Variants in GRIP1 observed in about 807,000 individuals in gnomAD.
The protein encoded by GRIP1 is glutamate receptor-interacting protein 1.
GRIP1 carries 45 observed loss-of-function variants against 129.9 expected under a neutral mutation model. The ratio of observed to expected loss-of-function variants is 0.35; its 90% confidence interval spans 0.27 to 0.44. The LOEUF (loss-of-function observed/expected upper bound fraction) is 0.44, where lower values mean the gene tolerates loss of function less well. Ranked by LOEUF, GRIP1 falls within the 20% of genes least tolerant of loss-of-function variation. GRIP1 has a pLI of 1.00. For synonymous variants in GRIP1, 530 were observed against 520.8 expected (o/e 1.02, Z -0.24); for missense variants, 1,196 against 1,396.8 (o/e 0.86, Z 2.29).
chr12:66,367,055 C>T (rs2055193727), intron 23 of GRIP1, among the ~76,000 whole-genome samples: 1 of 152,080 alleles, frequency 6.6e-6, no homozygotes, highest in Admixed American at 6.6e-5. Context: ...AATCGTTCTG[C>T]CTTAAGGTGT....
intron 1 of GRIP1, among the ~76,000 whole-genome samples, chr12:66,850,773 C>T (rs2039896529): frequency 6.6e-6 from 1 of 151,716 alleles, no homozygotes; most frequent in Admixed American, 6.6e-5. Context: ...AGGTATCAGC[C>T]AGCATGTAAC....
At chr12:66,739,383 T>C (rs985759430) in intron 1 of GRIP1, among the ~76,000 whole-genome samples, 1 of 152,128 alleles carries the variant, frequency 6.6e-6, no homozygotes, top group Admixed American at 6.5e-5. Context: ...GACTGACTTA[T>C]TTGATAAGGT....
chr12:66,389,975 G>T (rs2056520016), intron 19 of GRIP1, among the ~76,000 whole-genome samples: 3 of 152,156 alleles, frequency 2.0e-5, no homozygotes, highest in Admixed American at 6.5e-5. Flanking sequence ...AGTATCTAAG[G>T]GGCTGTCAGG....
At chr12:66,836,277 C>G (rs1205547305) in intron 1 of GRIP1, among the ~76,000 whole-genome samples, 1 of 151,984 alleles carries the variant, frequency 6.6e-6, no homozygotes, top group East Asian at 1.9e-4. Flanking sequence ...GAGTTCAAGC[C>G]CAGGAACCTC....
chr12:66,700,333 GGGAGGTAGGCAGGAAAGGGATGGGCTGC>G (rs1430149674), intron 1 of GRIP1, among the ~76,000 whole-genome samples: 2 of 152,116 alleles, frequency 1.3e-5, no homozygotes, highest in Non-Finnish European at 2.9e-5. Flanking sequence ...CATGAGGCTG[GGGAGGTAGGCAGGAAAGGGATGGGCTGC>G]GGAGCACATA....
At chr12:67,032,658 T>C (rs2135783403) in intron 1 of GRIP1, among the ~76,000 whole-genome samples, 1 of 152,252 alleles carries the variant, frequency 6.6e-6, no homozygotes, top group African/African-American at 2.4e-5. Flanking sequence ...CTAAATGCAG[T>C]CACATGCTCA....
intron 1 of GRIP1, among the ~76,000 whole-genome samples, chr12:66,853,613 C>T (rs540589195): frequency 2.6e-5 from 4 of 152,052 alleles, no homozygotes; most frequent in Non-Finnish European, 4.4e-5. Flanking sequence ...TTGAACACCA[C>T]GTTTATAAAG....
At chr12:66,789,576 G>A (rs1319420) in intron 1 of GRIP1, among the ~76,000 whole-genome samples, 9,543 of 25,148 alleles carry the variant, frequency 0.38, 1,018 homozygotes, top group African/African-American at 0.39. Flanking sequence ...AAACTTTGCT[G>A]TACAAATAGA....
intron 7 of GRIP1, 82 bp from the exon 8 acceptor site, chr12:66,465,504 G>A (rs2059262144): frequency 1.7e-6 from 2 of 1,194,310 alleles, no homozygotes; most frequent in Admixed American, 1.9e-5. Context: ...AGAATATTCA[G>A]TTTGGTGTTA....
chr12:66,526,726 A>G (rs74633317), intron 5 of GRIP1, among the ~76,000 whole-genome samples: 39,911 of 150,358 alleles, frequency 0.27, 5,386 homozygotes, highest in Middle Eastern at 0.33. Context: ...AGAAACTACC[A>G]TCAGAGTGAA....
chr12:66,507,988 G>C (rs2138847534), intron 7 of GRIP1, among the ~76,000 whole-genome samples: 1 of 152,266 alleles, frequency 6.6e-6, no homozygotes, highest in South Asian at 2.1e-4. Flanking sequence ...AGTATCCTTG[G>C]TTTTGCATGC....
chr12:67,022,094 A>C (rs1490006102), intron 1 of GRIP1, among the ~76,000 whole-genome samples: 2 of 152,178 alleles, frequency 1.3e-5, no homozygotes, highest in Non-Finnish European at 2.9e-5. Flanking sequence ...AGCTATTGTG[A>C]ATAATGCTGC....
chr12:66,489,582 T>C (rs1278099526), intron 7 of GRIP1, among the ~76,000 whole-genome samples: 2 of 152,066 alleles, frequency 1.3e-5, no homozygotes, highest in Non-Finnish European at 2.9e-5. Flanking sequence ...CTCTTACCAC[T>C]CCTATTCAAC....
Position 66,456,086 on chromosome 12 carries a change from A to G in GRIP1, c.1198+101T>C, listed in dbSNP as rs995946175. ...AAATGATAAATTGCTACTATAAGAA[A>G]CAGAAAAAACAACATCCATGAAGCC... On this transcript the variant is annotated intron_variant, in intron 10 of 24. Coordinates refer to ENST00000359742, the MANE Select transcript of GRIP1 (RefSeq NM_001366722.1). 1.4e-5 allele frequency: 9 copies of G among 664,106 alleles called. No individual in the cohort carries two copies. In the Admixed American group the frequency reaches 2.3e-4, roughly 17 times the overall value. 41.1% of individuals were successfully genotyped at this position (664,106 alleles called of 1,614,324 possible).
At chr12:66,776,675 A>G (rs190459773) in intron 1 of GRIP1, among the ~76,000 whole-genome samples, 1 of 152,312 alleles carries the variant, frequency 6.6e-6, no homozygotes, top group African/African-American at 2.4e-5. Flanking sequence ...CAGCCCAGAG[A>G]AGAGGAAGAG....
chr12:66,699,576 A>G (rs932402611), intron 1 of GRIP1, among the ~76,000 whole-genome samples: 1 of 152,102 alleles, frequency 6.6e-6, no homozygotes, highest in African/African-American at 2.4e-5. Flanking sequence ...TTCCACCATG[A>G]TTGTGAAGTC....
At chr12:66,434,286 C>G (rs980652591) in intron 13 of GRIP1, among the ~76,000 whole-genome samples, 1 of 152,142 alleles carries the variant, frequency 6.6e-6, no homozygotes, top group Non-Finnish European at 1.5e-5. Context: ...CTCCCTCCTT[C>G]GCTCTGGTTT....
chr12:66,654,881 C>G (rs1592706556), intron 1 of GRIP1, among the ~76,000 whole-genome samples: 2 of 152,024 alleles, frequency 1.3e-5, no homozygotes, highest in Admixed American at 1.3e-4. Context: ...GAAGCTGGTG[C>G]CACTAAAGCA....
chr12:66,498,270 T>C (rs193243351), intron 7 of GRIP1, among the ~76,000 whole-genome samples: 68 of 152,300 alleles, frequency 4.5e-4, no homozygotes, highest in Admixed American at 7.8e-4. Context: ...AAATAAAAGA[T>C]GGTCCAGGCT....
Sources: allele counts gnomAD v4.1 joint callset (sites outside exome capture counted in the v4.1 genomes callset), GRCh38; gene constraint gnomAD v4.1.1; transcripts MANE v1.5; gene names NCBI Gene and HGNC (gene_info 2026-07-23, HGNC 2026-07-21).